SYTL5: variants seen among roughly 807,000 people sequenced by gnomAD.
SYTL5 encodes synaptotagmin-like protein 5.
SYTL5 carries 34 observed loss-of-function variants against 55.9 expected under a neutral mutation model. That is an observed-to-expected ratio of 0.61 (90% CI 0.46 to 0.81). The LOEUF (loss-of-function observed/expected upper bound fraction) is 0.81. Ranked by LOEUF, SYTL5 falls within the 30% of genes least tolerant of loss-of-function variation. SYTL5 has a pLI of 0.00. For missense variants in SYTL5, 637 were observed against 546.7 expected (o/e 1.17, Z -1.65); for synonymous variants, 221 against 188.7 (o/e 1.17, Z -1.40).
the SYTL5 span, among the ~76,000 whole-genome samples, chrX:37,993,283 T>C: frequency 8.9e-6 from 1 of 111,776 alleles, no homozygotes; most frequent in Admixed American, 9.5e-5. Context: ...GAGAAAAATA[T>C]TGAAATAAAA....
At chrX:37,903,791 T>C in the SYTL5 span, among the ~76,000 whole-genome samples, 1 of 111,874 alleles carries the variant, frequency 8.9e-6, no homozygotes, top group Non-Finnish European at 1.9e-5. Flanking sequence ...CTCCTAATTG[T>C]TTTTCAAGAC....
chrX:37,921,062 C>T, the SYTL5 span, among the ~76,000 whole-genome samples: 2 of 111,492 alleles, frequency 1.8e-5, no homozygotes, highest in Non-Finnish European at 3.8e-5. Flanking sequence ...GCTTTCTGTG[C>T]ATGAGGTGCC....
intron 9 of SYTL5, 130 bp from the exon 10 acceptor site, chrX:38,102,212 G>A: frequency 2.2e-6 from 1 of 455,678 alleles, no homozygotes; most frequent in South Asian, 3.5e-5. Context: ...AAAAACCTAG[G>A]AATGGAGTGA....
At chrX:37,898,012 T>G in the SYTL5 span, among the ~76,000 whole-genome samples, 1 of 110,893 alleles carries the variant, frequency 9.0e-6, no homozygotes. Flanking sequence ...GCAAGAGAAT[T>G]GCTTGAACCC....
the SYTL5 span, among the ~76,000 whole-genome samples, chrX:37,907,281 A>T: frequency 3.6e-5 from 4 of 112,154 alleles, no homozygotes; most frequent in Non-Finnish European, 7.5e-5. Context: ...GGAGAGAAAA[A>T]TGGATGGGGT....
At chrX:37,934,347 C>T in the SYTL5 span, among the ~76,000 whole-genome samples, 1 of 109,536 alleles carries the variant, frequency 9.1e-6, no homozygotes, top group Non-Finnish European at 1.9e-5. Context: ...CAGAACAGAA[C>T]ATCAATAAAG....
chrX:38,105,263 T>A (rs1161067657), intron 10 of SYTL5, among the ~76,000 whole-genome samples: 1 of 112,751 alleles, frequency 8.9e-6, no homozygotes, highest in Non-Finnish European at 1.9e-5. Flanking sequence ...ATGTCTCAGT[T>A]AATTTAGAAA....
At chrX:37,920,753 G>T in the SYTL5 span, among the ~76,000 whole-genome samples, 41 of 110,999 alleles carry the variant, frequency 3.7e-4, no homozygotes, top group African/African-American at 1.3e-3. Flanking sequence ...AGACCGATTT[G>T]CAATTCTGTG....
rs181692880 is a variant in SYTL5, at chrX:38,102,280, G to A, written c.1063-62G>A. 1.2e-5 allele frequency: 10 copies of A among 806,503 alleles called. No individual in the cohort carries two copies. In the African/African-American group the frequency reaches 2.1e-4, roughly 17 times the overall value. 66.5% of individuals were successfully genotyped at this position (806,503 alleles called of 1,213,427 possible). A position where few individuals can be genotyped will look rare whatever the true frequency, so the allele number is the denominator to read the frequency against. On this transcript the variant is annotated intron_variant, in intron 9 of 16. Transcript: ENST00000297875. Reference sequence around the variant, plus strand: ...TTTATGAAAGAAAGTGGTTTCTCAAGTGAAAAAACATTCTAGAAAAACAAA... The same window carrying A: ...TTTATGAAAGAAAGTGGTTTCTCAAATGAAAAAACATTCTAGAAAAACAAA...
intron 2 of SYTL5, among the ~76,000 whole-genome samples, chrX:38,046,209 T>A: frequency 8.9e-6 from 1 of 111,770 alleles, no homozygotes; most frequent in Middle Eastern, 4.6e-3. Flanking sequence ...ATGGGAATCA[T>A]AATGTATTTT....
At chrX:38,002,345 T>G (rs1479774564), upstream of SYTL5, among the ~76,000 whole-genome samples, 1 of 111,812 alleles carries the variant, frequency 8.9e-6, no homozygotes, top group Non-Finnish European at 1.9e-5. Context: ...TGTGTCTTTA[T>G]AGCAGCATGA....
chrX:38,091,992 GA>G (rs1415188320), intron 7 of SYTL5, among the ~76,000 whole-genome samples: 3 of 111,349 alleles, frequency 2.7e-5, no homozygotes, highest in Non-Finnish European at 5.7e-5. Flanking sequence ...TTTTCTAAGA[GA>G]AAAAAAGAAA....
chrX:37,910,211 C>T, the SYTL5 span, among the ~76,000 whole-genome samples: 1 of 111,675 alleles, frequency 9.0e-6, no homozygotes, highest in Non-Finnish European at 1.9e-5. Context: ...AGTCCAAGAT[C>T]AAGGGTTGGT....
intron 3 of SYTL5, among the ~76,000 whole-genome samples, chrX:38,071,095 G>C (rs772863836): frequency 8.9e-6 from 1 of 112,027 alleles, no homozygotes; most frequent in African/African-American, 3.2e-5. Flanking sequence ...ATCGTGGTCT[G>C]TGAAAGACTT....
chrX:38,016,365 A>G (rs760904663), intron 1 of SYTL5, among the ~76,000 whole-genome samples: 1 of 111,719 alleles, frequency 9.0e-6, no homozygotes, highest in South Asian at 3.7e-4. Flanking sequence ...AATGTTGTTC[A>G]TCTTACTCTC....
intron 10 of SYTL5, 29 bp from the exon 11 acceptor site, chrX:38,106,564 G>C: frequency 8.7e-7 from 1 of 1,143,276 alleles, no homozygotes; most frequent in Non-Finnish European, 1.2e-6. Flanking sequence ...AATGACACTA[G>C]AAGCCTTTTT....
intron 3 of SYTL5, among the ~76,000 whole-genome samples, chrX:38,056,136 T>C (rs1935773187): frequency 8.9e-6 from 1 of 111,954 alleles, no homozygotes; most frequent in South Asian, 3.7e-4. Context: ...CAGCCTCTGG[T>C]AACCATCCTT....
At chrX:38,049,789 G>A (rs1423878246) in intron 2 of SYTL5, among the ~76,000 whole-genome samples, 3 of 112,119 alleles carry the variant, frequency 2.7e-5, no homozygotes, top group Non-Finnish European at 5.6e-5. Flanking sequence ...TACCAGAATT[G>A]TCTATTCCAT....
At chrX:38,071,322 G>A (rs778922817) in intron 3 of SYTL5, among the ~76,000 whole-genome samples, 3 of 111,491 alleles carry the variant, frequency 2.7e-5, no homozygotes, top group Non-Finnish European at 3.8e-5. Context: ...AGATGGGTGT[G>A]ACTATTCAAG....
Sources: allele counts gnomAD v4.1 joint callset (sites outside exome capture counted in the v4.1 genomes callset), GRCh38; gene constraint gnomAD v4.1.1; transcripts MANE v1.5; gene names NCBI Gene and HGNC (gene_info 2026-07-23, HGNC 2026-07-21).